The following UBE2N variants were observed in gnomAD, a reference collection of about 807,000 sequenced individuals.
The protein encoded by UBE2N is ubiquitin-conjugating enzyme E2 N.
For missense variants in UBE2N, 60 were observed against 192.1 expected (o/e 0.31, Z 4.07); for synonymous variants, 70 against 69.2 (o/e 1.01, Z -0.06).
intron 1 of UBE2N, among the ~76,000 whole-genome samples, chr12:93,421,197 C>CTTT (rs62880060): frequency 7.7e-6 from 1 of 130,460 alleles, no homozygotes; most frequent in African/African-American, 3.1e-5. Context: ...CTTTTTCTTT[C>CTTT]TTTTTTTTTT....
intron 1 of UBE2N, among the ~76,000 whole-genome samples, chr12:93,438,413 A>C (rs1879000978): frequency 6.6e-6 from 1 of 152,196 alleles, no homozygotes; most frequent in Admixed American, 6.5e-5. Flanking sequence ...CAAGCAATGC[A>C]ACAAACTGGA....
At chr12:93,435,225 C>A (rs943423925) in intron 1 of UBE2N, among the ~76,000 whole-genome samples, 6 of 152,092 alleles carry the variant, frequency 3.9e-5, no homozygotes, top group African/African-American at 1.4e-4. Context: ...GTAGTTCCAG[C>A]ACTTTGGGAG....
At position 93,441,514 on chromosome 12, in the gene UBE2N, G is replaced by A. The variant is rs372025546; in HGVS notation, c.30+341C>T. On this transcript the variant is annotated intron_variant, in intron 1 of 3. Transcript: ENST00000318066. ...GCGCGCCCGCGGCCTCCGGCGGGGG[G>A]GTGGTCTCAGAAGCTATGGAGGCCC... Among the ~76,000 whole-genome samples, 23 of 152,166 alleles carry A rather than the reference G, an allele frequency of 1.5e-4. No individual in the cohort carries two copies. The South Asian group carries it at 3.3e-3, about 22-fold the overall frequency.
At chr12:93,429,394 C>T (rs959727570) in intron 1 of UBE2N, 4 of 387,268 alleles carry the variant, frequency 1.0e-5, no homozygotes, top group African/African-American at 8.6e-5. Context: ...TAGTCTGATT[C>T]AGTGGTACTT....
chr12:93,428,452 T>G, intron 1 of UBE2N, among the ~76,000 whole-genome samples: 1 of 152,170 alleles, frequency 6.6e-6, no homozygotes, highest in Admixed American at 6.5e-5. Context: ...TCTAAAAACC[T>G]TTCCCTAAAC....
At chr12:93,436,953 A>T (rs1014853798) in intron 1 of UBE2N, among the ~76,000 whole-genome samples, 1 of 152,176 alleles carries the variant, frequency 6.6e-6, no homozygotes, top group African/African-American at 2.4e-5. Flanking sequence ...AAAGTTATGA[A>T]TAAGCAATTA....
At chr12:93,414,115 C>T (rs764732309) in intron 1 of UBE2N, among the ~76,000 whole-genome samples, 9 of 151,116 alleles carry the variant, frequency 6.0e-5, no homozygotes, top group Non-Finnish European at 1.3e-4. Flanking sequence ...GAGCTGAGAT[C>T]GTGCCATTGC....
rs1474317873 is a variant in UBE2N at position 93,421,292 on chromosome 12, C to G, written c.31-9993G>C. On this transcript the variant is annotated intron_variant, in intron 1 of 3. Transcript: ENST00000318066. The stretch of plus-strand genomic sequence containing the variant: ...TCTCAGCTCACTGCAAGCTCCACCT[C>G]CCGGGTTCACACCATTCTCCTGCCT... 9.2e-5 allele frequency among the ~76,000 whole-genome samples: 14 copies of G among 152,132 alleles called. 1 individual carries two copies. In the South Asian group the frequency reaches 2.5e-3, roughly 27 times the overall value.
Position 93,408,036 on chromosome 12 carries a change from C to T in UBE2N, c.*2003G>A, listed in dbSNP as rs1236688017. ...ACATCATTTAGACATTTTTGTAGTG[C>T]AACAGATTTAAATCTGGAATTTCAT... is the stretch of plus-strand genomic sequence containing the variant. On this transcript the variant is annotated 3_prime_UTR_variant, in exon 4 of 4. Coordinates refer to ENST00000318066, the MANE Select transcript of UBE2N (RefSeq NM_003348.4). 1.3e-5 allele frequency: 2 copies of T among 152,164 alleles called. No homozygotes were observed. The highest frequency in any genetic ancestry group is 2.9e-5 in the Non-Finnish European group (2 of 68,028). 9.4% of individuals were successfully genotyped at this position (152,164 alleles called of 1,614,324 possible).
intron 1 of UBE2N, among the ~76,000 whole-genome samples, chr12:93,434,819 G>A (rs1451701249): frequency 2.0e-5 from 3 of 152,080 alleles, no homozygotes; most frequent in African/African-American, 7.2e-5. Context: ...TTTTTTACAA[G>A]TTTTTTCTTA....
chr12:93,418,041 G>T (rs1878276999), intron 1 of UBE2N, among the ~76,000 whole-genome samples: 2 of 151,804 alleles, frequency 1.3e-5, no homozygotes, highest in African/African-American at 4.8e-5. Flanking sequence ...TCTCTATGTT[G>T]CCCAGGCTGG....
chr12:93,434,255 G>A (rs1265917680), intron 1 of UBE2N, among the ~76,000 whole-genome samples: 1 of 152,202 alleles, frequency 6.6e-6, no homozygotes, highest in East Asian at 1.9e-4. Context: ...TCGTGCCACT[G>A]CACTCCAGCC....
intron 1 of UBE2N, among the ~76,000 whole-genome samples, chr12:93,417,570 G>A (rs865871104): frequency 6.6e-6 from 1 of 152,188 alleles, no homozygotes; most frequent in Non-Finnish European, 1.5e-5. Context: ...TGTCTACAGT[G>A]ATTAGGTTTT....
chr12:93,437,093 T>C (rs925535009), intron 1 of UBE2N, among the ~76,000 whole-genome samples: 1 of 151,538 alleles, frequency 6.6e-6, no homozygotes, highest in African/African-American at 2.4e-5. Context: ...CAAGACCCCA[T>C]CTCTACTGAA....
At chr12:93,413,519 C>T (rs1290882007) in intron 1 of UBE2N, among the ~76,000 whole-genome samples, 2 of 152,206 alleles carry the variant, frequency 1.3e-5, no homozygotes, top group Non-Finnish European at 2.9e-5. Flanking sequence ...TTGATATACA[C>T]TCTTGAATGT....
chr12:93,418,681 G>GT (rs1216338045), intron 1 of UBE2N, among the ~76,000 whole-genome samples: 5 of 151,498 alleles, frequency 3.3e-5, no homozygotes, highest in Non-Finnish European at 7.4e-5. Context: ...CTATCCAACA[G>GT]AAATATAATA....
chr12:93,437,264 T>C (rs1878961068), intron 1 of UBE2N, among the ~76,000 whole-genome samples: 1 of 151,696 alleles, frequency 6.6e-6, no homozygotes, highest in South Asian at 2.1e-4. Flanking sequence ...CACCTGATAT[T>C]AGGAATTCGA....
chr12:93,441,191 AAG>A (rs890600183), intron 1 of UBE2N: 6 of 152,448 alleles, frequency 3.9e-5, no homozygotes, highest in Admixed American at 1.3e-4. Flanking sequence ...ACGTATTCAG[AAG>A]AGAGAGATCG....
At chr12:93,425,573 A>T (rs980707666) in intron 1 of UBE2N, among the ~76,000 whole-genome samples, 1 of 152,220 alleles carries the variant, frequency 6.6e-6, no homozygotes, top group Non-Finnish European at 1.5e-5. Context: ...GTTAATGAAC[A>T]GATCAACTGC....
Sources: allele counts gnomAD v4.1 joint callset (sites outside exome capture counted in the v4.1 genomes callset), GRCh38; gene constraint gnomAD v4.1.1; transcripts MANE v1.5; gene names NCBI Gene and HGNC (gene_info 2026-07-23, HGNC 2026-07-21).